Variants in KIF16B observed in about 807,000 individuals in gnomAD.
The protein encoded by KIF16B is kinesin family member 16B.
A neutral mutation model predicts 156.3 loss-of-function variants in KIF16B; 98 were observed. That is an observed-to-expected ratio of 0.63 (90% CI 0.53 to 0.74). The LOEUF (loss-of-function observed/expected upper bound fraction) is 0.74. Among genes scored for constraint, KIF16B ranks in the 30% least tolerant of loss-of-function variants. KIF16B has a pLI of 0.00. For missense variants in KIF16B, 1,421 were observed against 1,606.5 expected (o/e 0.88, Z 1.97); for synonymous variants, 564 against 583.7 (o/e 0.97, Z 0.49).
chr20:16,540,814 T>C (rs985906556), intron 1 of KIF16B, among the ~76,000 whole-genome samples: 2 of 152,178 alleles, frequency 1.3e-5, no homozygotes, highest in Non-Finnish European at 2.9e-5. Context: ...TTAAACTGAA[T>C]TTCCCATAAT....
chr20:16,302,893 G>GT (rs945345218), intron 25 of KIF16B, among the ~76,000 whole-genome samples: 4 of 152,032 alleles, frequency 2.6e-5, no homozygotes, highest in African/African-American at 9.7e-5. Flanking sequence ...AATTCCAGGA[G>GT]TTTTTTTCTT....
intron 25 of KIF16B, among the ~76,000 whole-genome samples, chr20:16,294,340 C>A (rs886538873): frequency 2.0e-5 from 3 of 152,060 alleles, no homozygotes; most frequent in Non-Finnish European, 4.4e-5. Flanking sequence ...GAGCCTGAGG[C>A]AGTATTGAGG....
intron 17 of KIF16B, chr20:16,381,951 C>G: frequency 1.3e-6 from 1 of 779,260 alleles, no homozygotes; most frequent in Non-Finnish European, 2.0e-6. Flanking sequence ...TACTTGAACT[C>G]AGGCTGAAAA....
At chr20:16,553,503 C>T (rs1005545033) in intron 1 of KIF16B, among the ~76,000 whole-genome samples, 4 of 152,190 alleles carry the variant, frequency 2.6e-5, no homozygotes, top group African/African-American at 7.2e-5. Flanking sequence ...GAGAGACAGA[C>T]ATTGAGCCTA....
At chr20:16,547,513 G>C (rs748804291) in intron 1 of KIF16B, among the ~76,000 whole-genome samples, 3 of 152,172 alleles carry the variant, frequency 2.0e-5, no homozygotes, top group Admixed American at 6.5e-5. Context: ...TCACCAGAAA[G>C]TTCCTTTCCA....
intron 16 of KIF16B, 80 bp downstream of exon 16, chr20:16,406,294 G>T (rs1387193762): frequency 8.2e-7 from 1 of 1,220,116 alleles, no homozygotes; most frequent in East Asian, 2.3e-5. Context: ...AAAGTCAAAA[G>T]ATTGGAACCA....
chr20:16,341,578 CACAT>C (rs2064139890), intron 23 of KIF16B, among the ~76,000 whole-genome samples: 1 of 152,220 alleles, frequency 6.6e-6, no homozygotes, highest in Admixed American at 6.5e-5. Flanking sequence ...TTAATAAACT[CACAT>C]ACAGACCTCA....
chr20:16,551,148 T>TTTG (rs2070642387), intron 1 of KIF16B, among the ~76,000 whole-genome samples: 1 of 149,818 alleles, frequency 6.7e-6, no homozygotes, highest in African/African-American at 2.5e-5. Context: ...TTTTTTTTTT[T>TTTG]GAGATGCAGT....
At chr20:16,375,948 A>C (rs2064940475) in intron 19 of KIF16B, among the ~76,000 whole-genome samples, 1 of 152,160 alleles carries the variant, frequency 6.6e-6, no homozygotes, top group Non-Finnish European at 1.5e-5. Flanking sequence ...GAGATGGGTG[A>C]TGAGATTGAG....
intron 25 of KIF16B, among the ~76,000 whole-genome samples, chr20:16,306,866 T>A (rs2063548621): frequency 6.6e-6 from 1 of 152,206 alleles, no homozygotes; most frequent in African/African-American, 2.4e-5. Flanking sequence ...CAATCACATT[T>A]AATTCTCAGT....
At chr20:16,455,575 C>A (rs949528105) in intron 12 of KIF16B, among the ~76,000 whole-genome samples, 3 of 152,028 alleles carry the variant, frequency 2.0e-5, no homozygotes, top group Non-Finnish European at 4.4e-5. Flanking sequence ...GTTGTCAAGA[C>A]CAATAAATAG....
chr20:16,367,878 T>A, intron 22 of KIF16B: 1 of 1,539,562 alleles, frequency 6.5e-7, no homozygotes, highest in South Asian at 1.3e-5. Context: ...GAAGACCCTC[T>A]GCAGAGCTCA....
At chr20:16,445,907 T>C (rs1316846331) in intron 12 of KIF16B, among the ~76,000 whole-genome samples, 1 of 152,200 alleles carries the variant, frequency 6.6e-6, no homozygotes, top group Non-Finnish European at 1.5e-5. Flanking sequence ...TTTATTATGT[T>C]AGTAGTTCCT....
chr20:16,407,784 CCA>C (rs2065823757), intron 15 of KIF16B, among the ~76,000 whole-genome samples: 1 of 152,096 alleles, frequency 6.6e-6, no homozygotes, highest in African/African-American at 2.4e-5. Context: ...AGGAAAAACT[CCA>C]GTCTATAGAT....
At chr20:16,306,293 C>T (rs1372007524) in intron 25 of KIF16B, among the ~76,000 whole-genome samples, 1 of 152,116 alleles carries the variant, frequency 6.6e-6, no homozygotes, top group Non-Finnish European at 1.5e-5. Flanking sequence ...AAGTCCAGGG[C>T]ATACACCAAG....
chr20:16,409,220 G>C (rs1037924258), intron 15 of KIF16B, among the ~76,000 whole-genome samples: 1 of 152,030 alleles, frequency 6.6e-6, no homozygotes, highest in Non-Finnish European at 1.5e-5. Context: ...AACAAGTTGG[G>C]AGAGTGTCTT....
At chr20:16,299,297 G>A (rs2122579170) in intron 25 of KIF16B, among the ~76,000 whole-genome samples, 1 of 152,214 alleles carries the variant, frequency 6.6e-6, no homozygotes, top group African/African-American at 2.4e-5. Context: ...GTGGGGTGAT[G>A]GAGAGGGTAC....
At chr20:16,426,443 T>C (rs1467813589) in intron 15 of KIF16B, among the ~76,000 whole-genome samples, 1 of 152,074 alleles carries the variant, frequency 6.6e-6, no homozygotes, top group African/African-American at 2.4e-5. Context: ...CCAAATGCCA[T>C]ACAGGAAATA....
intron 10 of KIF16B, among the ~76,000 whole-genome samples, chr20:16,503,545 G>T (rs544545286): frequency 1.3e-5 from 2 of 152,092 alleles, no homozygotes; most frequent in Non-Finnish European, 2.9e-5. Flanking sequence ...CTGCTCCAAC[G>T]GGACCACTCT....
Sources: gnomAD v4.1 joint callset for allele counts (sites outside exome capture counted in the v4.1 genomes callset) on GRCh38, gnomAD v4.1.1 for gene constraint, MANE v1.5 for transcripts, NCBI Gene and HGNC (gene_info 2026-07-23, HGNC 2026-07-21) for gene names.